Variants in IPO8 observed in about 807,000 individuals in gnomAD.
IPO8 encodes importin 8.
A neutral mutation model predicts 141.2 loss-of-function variants in IPO8; 65 were observed. That is an observed-to-expected ratio of 0.46 (90% CI 0.38 to 0.57). The LOEUF is 0.57. IPO8 is among the 20% of genes least tolerant of loss of function. The probability of loss-of-function intolerance (pLI) is 0.00; values close to 1 mark genes in which losing one functional copy is unlikely to be tolerated. For synonymous variants in IPO8, 411 were observed against 420.3 expected (o/e 0.98, Z 0.27); for missense variants, 980 against 1,246.8 (o/e 0.79, Z 3.22).
chr12:30,659,626 C>T lies in IPO8; in HGVS notation c.1881+1515G>A, dbSNP rs562089040. On this transcript the variant is annotated intron_variant, in intron 16 of 24. Transcript: ENST00000256079. ...CAGCACTTTGGGAGGCCGAGGTGGG[C>T]GGATCACGAGGTCAGGAGATCGAGA... Among the ~76,000 whole-genome samples the T allele has an allele frequency of 2.2e-4, 33 of 151,158 alleles. 1 individual carries two copies. The highest frequency in any genetic ancestry group is 1.4e-3 in the Admixed American group (22 of 15,196).
chr12:30,652,949 A>G lies in IPO8; in HGVS notation c.2074+18T>C, dbSNP rs772629811. The G allele has an allele frequency of 1.3e-6, 2 of 1,567,980 alleles. No individual in the cohort carries two copies. Among genetic ancestry groups the G allele is most frequent in the African/African-American group, 1.4e-5 (1 of 72,062 alleles). ...CTAGACACAGAAAAGCAAAAATTTTATATGGTCAAAGCCATACCTGTAAAG... is the reference window on the plus strand; with the variant it reads ...CTAGACACAGAAAAGCAAAAATTTTGTATGGTCAAAGCCATACCTGTAAAG... On this transcript the variant is annotated intron_variant, in intron 18 of 24. Coordinates refer to ENST00000256079, the MANE Select transcript of IPO8 (RefSeq NM_006390.4).
rs1174252358 is a variant in IPO8 at position 30,629,373 on chromosome 12, G to A, written c.*1487C>T. ...AATGCCTTGGGAAGGGAGGAGCAGA[G>A]GAAAGCAGGGGGTCACTGAACTCCA... On this transcript the variant is annotated 3_prime_UTR_variant, in exon 25 of 25. Coordinates refer to ENST00000256079, the MANE Select transcript of IPO8 (RefSeq NM_006390.4). The A allele has an allele frequency of 6.6e-6, 1 of 152,192 alleles. No homozygotes were observed. The highest frequency in any genetic ancestry group is 2.4e-5 in the African/African-American group (1 of 41,442). The allele number at this position is 152,192 out of a possible 1,614,324, so 9.4% of individuals were successfully genotyped here. A position where few individuals can be genotyped will look rare whatever the true frequency, so the allele number is the denominator to read the frequency against.
intron 9 of IPO8, among the ~76,000 whole-genome samples, chr12:30,670,282 T>C (rs2053030201): frequency 6.6e-6 from 1 of 152,234 alleles, no homozygotes; most frequent in Admixed American, 6.5e-5. Flanking sequence ...TGAAAGATTT[T>C]TCTTTTCAGA....
Position 30,630,761 on chromosome 12 carries a change from G to T in IPO8, c.*99C>A. On this transcript the variant is annotated 3_prime_UTR_variant, in exon 25 of 25. Coordinates refer to ENST00000256079, the MANE Select transcript of IPO8 (RefSeq NM_006390.4). The stretch of plus-strand genomic sequence containing the variant: ...CAGATGGTAACTGGCACAGCAGGAG[G>T]GCCCTAAAAGCAGCCCCTCATTTCA... The T allele has an allele frequency of 1.2e-6, 1 of 859,934 alleles. No homozygotes were observed. The highest frequency in any genetic ancestry group is 1.9e-6 in the Non-Finnish European group (1 of 532,154). 53.3% of individuals were successfully genotyped at this position (859,934 alleles called of 1,614,324 possible).
chr12:30,656,203 A>AT (rs2052797729), intron 17 of IPO8, among the ~76,000 whole-genome samples: 2 of 152,016 alleles, frequency 1.3e-5, no homozygotes, highest in South Asian at 2.1e-4. Context: ...CACTCAGCTA[A>AT]TTTTTTTTAT....
chr12:30,669,372 A>T, intron 9 of IPO8, 90 bp from the exon 10 acceptor site: 1 of 563,452 alleles, frequency 1.8e-6, no homozygotes, highest in South Asian at 2.9e-5. Context: ...GACAGCCTTT[A>T]TGATGTTAGT....
intron 2 of IPO8, among the ~76,000 whole-genome samples, chr12:30,688,032 A>G (rs569960834): frequency 1.6e-4 from 25 of 152,274 alleles, no homozygotes; most frequent in African/African-American, 6.0e-4. Flanking sequence ...TTCTCGTAGC[A>G]ACTCCAAAAT....
chr12:30,679,888 G>A (rs2053166770), intron 5 of IPO8, among the ~76,000 whole-genome samples: 1 of 151,982 alleles, frequency 6.6e-6, no homozygotes. Context: ...AATCTTTCAA[G>A]GATTTGATGT....
At chr12:30,631,372 T>C (rs1261921612) in intron 24 of IPO8, among the ~76,000 whole-genome samples, 1 of 152,202 alleles carries the variant, frequency 6.6e-6, no homozygotes, top group African/African-American at 2.4e-5. Context: ...TTTTTGTAAC[T>C]ACAAAATCTT....
chr12:30,678,449 A>G (rs2053150419), intron 5 of IPO8, among the ~76,000 whole-genome samples: 1 of 152,192 alleles, frequency 6.6e-6, no homozygotes, highest in Non-Finnish European at 1.5e-5. Context: ...TGGTACAGTA[A>G]CATGTACAGG....
At chr12:30,679,105 C>T (rs923217798) in intron 5 of IPO8, among the ~76,000 whole-genome samples, 7 of 152,184 alleles carry the variant, frequency 4.6e-5, no homozygotes, top group Non-Finnish European at 1.0e-4. Flanking sequence ...TCCCAACGTG[C>T]TGGGATTACA....
intron 12 of IPO8, 39 bp from the exon 13 acceptor site, chr12:30,665,348 C>T: frequency 8.7e-7 from 1 of 1,149,528 alleles, no homozygotes; most frequent in Non-Finnish European, 1.3e-6. Context: ...ATTTCTTTTT[C>T]ATACGTAAGA....
At chr12:30,661,072 C>T (rs988074607) in intron 16 of IPO8, 69 bp downstream of exon 16, 2 of 1,197,420 alleles carry the variant, frequency 1.7e-6, no homozygotes, top group Non-Finnish European at 2.2e-6. Context: ...CTTCAAAATT[C>T]ATGGCCACTG....
rs7326 is a variant in IPO8, at chr12:30,629,367, A to G, written c.*1493T>C. ...AGCTTCAATGCCTTGGGAAGGGAGG[A>G]GCAGAGGAAAGCAGGGGGTCACTGA... On this transcript the variant is annotated 3_prime_UTR_variant, in exon 25 of 25. Coordinates refer to ENST00000256079, the MANE Select transcript of IPO8 (RefSeq NM_006390.4). 0.59 allele frequency: 89,133 copies of G among 152,032 alleles called. 27,787 individuals carry two copies. Among genetic ancestry groups the G allele is most frequent in the African/African-American group, 0.81 (33,462 of 41,482 alleles). The allele number at this position is 152,032 out of a possible 1,614,324, so 9.4% of individuals were successfully genotyped here.
At chr12:30,683,303 A>G (rs780686741) in intron 3 of IPO8, among the ~76,000 whole-genome samples, 2 of 152,174 alleles carry the variant, frequency 1.3e-5, no homozygotes, top group Non-Finnish European at 2.9e-5. Context: ...TCTCCTCTTA[A>G]CAAATTAATT....
At chr12:30,636,755 A>AT (rs1038631256) in intron 22 of IPO8, among the ~76,000 whole-genome samples, 22 of 152,180 alleles carry the variant, frequency 1.4e-4, no homozygotes, top group African/African-American at 5.3e-4. Flanking sequence ...ATTAGGCTCC[A>AT]TAAAAAAAAC....
chr12:30,663,679 G>C (rs755000974), intron 13 of IPO8, 25 bp from the exon 14 acceptor site: 1 of 1,564,146 alleles, frequency 6.4e-7, no homozygotes, highest in South Asian at 1.2e-5. Context: ...AAGGTAAGTA[G>C]GGAGCTATTA....
In IPO8 at chr12:30,695,510, G is replaced by T; in HGVS notation, c.84+54C>A. ...GCGCCGGGGAGAGGGAGCCCGGCCAGCCGGCAGGGGCGCCCCTTCGGCGGA... is the reference window on the plus strand; with the variant it reads ...GCGCCGGGGAGAGGGAGCCCGGCCATCCGGCAGGGGCGCCCCTTCGGCGGA... On this transcript the variant is annotated intron_variant, in intron 1 of 24. Transcript: ENST00000256079. This position sits in a 1 kb window ranked among gnomAD's most constrained non-coding sequence, Gnocchi z 4.2. 6.5e-7 allele frequency: 1 copy of T among 1,532,100 alleles called. No individual in the cohort carries two copies. The highest frequency in any genetic ancestry group is 9.0e-7 in the Non-Finnish European group (1 of 1,108,394). 94.9% of individuals were successfully genotyped at this position (1,532,100 alleles called of 1,614,324 possible).
Position 30,695,104 on chromosome 12 carries a change from C to G in IPO8, c.84+460G>C. 1 of 445,078 alleles carries G rather than the reference C, an allele frequency of 2.2e-6. No individual in the cohort carries two copies. Among genetic ancestry groups the G allele is most frequent in the South Asian group, 1.6e-5 (1 of 62,340 alleles). 27.6% of individuals were successfully genotyped at this position (445,078 alleles called of 1,614,324 possible). A position where few individuals can be genotyped will look rare whatever the true frequency, so the allele number is the denominator to read the frequency against. On this transcript the variant is annotated intron_variant, in intron 1 of 24. Coordinates refer to ENST00000256079, the MANE Select transcript of IPO8 (RefSeq NM_006390.4). This position sits in a 1 kb window ranked among gnomAD's most constrained non-coding sequence, Gnocchi z 4.2. ...ATCGGTGTCAAAACAGTCCTGCCAA[C>G]CCGACAGGAGGAGGCGGTGGGCAGC...
Sources: allele counts gnomAD v4.1 joint callset (sites outside exome capture counted in the v4.1 genomes callset), GRCh38; gene constraint gnomAD v4.1.1; non-coding constraint Gnocchi (gnomAD v3.1); transcripts MANE v1.5; gene names NCBI Gene and HGNC (gene_info 2026-07-23, HGNC 2026-07-21).